Variants in SMAP1 observed in about 807,000 individuals in gnomAD.
SMAP1 encodes small ArfGAP 1.
Under a neutral mutation model 58.5 loss-of-function variants are expected in SMAP1, and 24 were observed. The ratio of observed to expected loss-of-function variants is 0.41; its 90% CI spans 0.30 to 0.58. SMAP1 has a LOEUF of 0.58. SMAP1 is among the 20% of genes least tolerant of loss of function. The probability of loss-of-function intolerance (pLI) is 0.29; values close to 1 mark genes in which losing one functional copy is unlikely to be tolerated. For synonymous variants in SMAP1, 216 were observed against 196.6 expected, an observed-to-expected ratio of 1.10 and a Z score of -0.82; for missense variants, 563 against 566.3, an observed-to-expected ratio of 0.99 and a Z score of 0.06.
At chr6:70,842,244 A>G (rs1383731989) in intron 7 of SMAP1, among the ~76,000 whole-genome samples, 1 of 152,242 alleles carries the variant, frequency 6.6e-6, no homozygotes, top group Non-Finnish European at 1.5e-5. Flanking sequence ...CTCTGCTCAG[A>G]AAAGTATGTT....
chr6:70,788,080 G>C lies in SMAP1; in HGVS notation c.415-3609G>C, dbSNP rs377587439. Among the ~76,000 whole-genome samples, 9 of 152,092 alleles carry C rather than the reference G, an allele frequency of 5.9e-5. No individual in the cohort carries two copies. In the East Asian group the frequency reaches 1.5e-3, roughly 26 times the overall value. On this transcript the variant is annotated intron_variant, in intron 4 of 10. Coordinates refer to ENST00000370455, the MANE Select transcript of SMAP1 (RefSeq NM_001044305.3). ...GTCCAACAATGATAGACTGGATTAA[G>C]AAAATGTGGCGCATATACACCATGG...
intron 3 of SMAP1, among the ~76,000 whole-genome samples, chr6:70,771,899 A>G (rs1767338486): frequency 1.3e-5 from 2 of 152,076 alleles, no homozygotes; most frequent in South Asian, 4.2e-4. Context: ...CTTGGCTCCA[A>G]ATAACTATTC....
chr6:70,819,040 A>G (rs1425816820), intron 6 of SMAP1, among the ~76,000 whole-genome samples: 2 of 152,080 alleles, frequency 1.3e-5, no homozygotes, highest in East Asian at 3.9e-4. Flanking sequence ...TCTCCTTTCC[A>G]CAGCTCCTGG....
chr6:70,736,798 C>T (rs76196989), intron 2 of SMAP1, among the ~76,000 whole-genome samples: 3,700 of 152,268 alleles, frequency 0.024, 174 homozygotes, highest in African/African-American at 0.085. Context: ...CCGACAAGTC[C>T]AAGGCTTTGC....
intron 3 of SMAP1, among the ~76,000 whole-genome samples, chr6:70,763,014 A>G (rs10945247): frequency 0.5 from 75,396 of 151,466 alleles, 19,090 homozygotes; most frequent in African/African-American, 0.52. Context: ...GTTAACTTTC[A>G]CAAACTCAGT....
intron 5 of SMAP1, among the ~76,000 whole-genome samples, chr6:70,796,806 T>C (rs539137496): frequency 1.2e-4 from 18 of 152,266 alleles, no homozygotes; most frequent in African/African-American, 4.1e-4. Context: ...ACTCTTCAGG[T>C]TTTAGCACAA....
At chr6:70,845,556 C>G (rs1770955712) in intron 7 of SMAP1, among the ~76,000 whole-genome samples, 1 of 152,166 alleles carries the variant, frequency 6.6e-6, no homozygotes, top group Non-Finnish European at 1.5e-5. Context: ...AAACTTATTT[C>G]AAGTAAAATC....
chr6:70,742,951 C>T (rs190787243), intron 2 of SMAP1, among the ~76,000 whole-genome samples: 37 of 152,198 alleles, frequency 2.4e-4, no homozygotes, highest in African/African-American at 8.7e-4. Flanking sequence ...GAAAACCGCC[C>T]CCATGATTCA....
intron 1 of SMAP1, among the ~76,000 whole-genome samples, chr6:70,690,178 A>G (rs1767099229): frequency 1.3e-5 from 2 of 152,280 alleles, no homozygotes; most frequent in South Asian, 2.1e-4. Flanking sequence ...AGTCTTACAG[A>G]TACCTTTTAT....
intron 4 of SMAP1, among the ~76,000 whole-genome samples, chr6:70,777,107 A>T (rs1026937138): frequency 1.3e-5 from 2 of 152,232 alleles, no homozygotes; most frequent in Admixed American, 1.3e-4. Context: ...TCCCACCAAC[A>T]GTATCTAAGA....
intron 6 of SMAP1, among the ~76,000 whole-genome samples, chr6:70,814,709 C>T (rs1188942132): frequency 6.6e-6 from 1 of 152,128 alleles, no homozygotes; most frequent in African/African-American, 2.4e-5. Context: ...CTCTTCTAGC[C>T]ACTCTGACAT....
intron 4 of SMAP1, among the ~76,000 whole-genome samples, chr6:70,787,237 G>C (rs1331447729): frequency 6.6e-6 from 1 of 152,186 alleles, no homozygotes; most frequent in African/African-American, 2.4e-5. Flanking sequence ...GGGGAAACTG[G>C]CTAGCCATAT....
chr6:70,694,483 G>C (rs560050981), intron 1 of SMAP1: 1 of 153,632 alleles, frequency 6.5e-6, no homozygotes, highest in South Asian at 2.0e-4. Flanking sequence ...CTCAGAGACT[G>C]GATTCAGGAC....
intron 6 of SMAP1, among the ~76,000 whole-genome samples, chr6:70,803,915 G>A (rs983821251): frequency 1.3e-5 from 2 of 152,134 alleles, no homozygotes; most frequent in East Asian, 1.9e-4. Flanking sequence ...TTCCAATTAT[G>A]TGTCAATTTT....
At chr6:70,708,771 A>G (rs950545285) in intron 1 of SMAP1, among the ~76,000 whole-genome samples, 1 of 152,204 alleles carries the variant, frequency 6.6e-6, no homozygotes, top group Non-Finnish European at 1.5e-5. Flanking sequence ...TTCTTTGGAA[A>G]AATGTCTATT....
At chr6:70,849,266 G>A (rs1166695896) in intron 7 of SMAP1, among the ~76,000 whole-genome samples, 1 of 152,100 alleles carries the variant, frequency 6.6e-6, no homozygotes, top group Non-Finnish European at 1.5e-5. Flanking sequence ...TGCTTCCTCT[G>A]TCTCATTCTA....
chr6:70,786,587 A>G (rs1768042743), intron 4 of SMAP1, among the ~76,000 whole-genome samples: 1 of 151,968 alleles, frequency 6.6e-6, no homozygotes, highest in South Asian at 2.1e-4. Context: ...CCTTAAGCTG[A>G]TAAGCAACTT....
Position 70,755,177 on chromosome 6 carries a change from C to G in SMAP1, c.338+112C>G. 4.9e-6 allele frequency: 4 copies of G among 819,732 alleles called. No individual in the cohort carries two copies. In the East Asian group the frequency reaches 1.1e-4, roughly 22 times the overall value. The allele number at this position is 819,732 out of a possible 1,614,324, so 50.8% of individuals were successfully genotyped here. On this transcript the variant is annotated intron_variant, in intron 3 of 10. Coordinates refer to ENST00000370455, the MANE Select transcript of SMAP1 (RefSeq NM_001044305.3). ...ATGTGAACTTTATCACGCTACTGTT[C>G]ATTAAAGATAGAAATTGACTTGCTG...
At chr6:70,733,743 G>A (rs1765515693) in intron 2 of SMAP1, among the ~76,000 whole-genome samples, 1 of 152,154 alleles carries the variant, frequency 6.6e-6, no homozygotes, top group African/African-American at 2.4e-5. Flanking sequence ...TGTTTGTAAT[G>A]GGTTATGGAG....
Sources: allele counts gnomAD v4.1 joint callset (sites outside exome capture counted in the v4.1 genomes callset), GRCh38; gene constraint gnomAD v4.1.1; transcripts MANE v1.5; gene names NCBI Gene and HGNC (gene_info 2026-07-23, HGNC 2026-07-21).